Variants in NPC1 observed in about 807,000 individuals in gnomAD.
NPC1 encodes the protein Niemann-Pick C1 protein.
A neutral mutation model predicts 140.4 loss-of-function variants in NPC1; 85 were observed. The observed-to-expected ratio is 0.61, with a 90% confidence interval of 0.51 to 0.72. The LOEUF is 0.72. NPC1 is among the 30% of genes least tolerant of loss of function. NPC1 has a pLI of 0.00. For synonymous variants in NPC1, 656 were observed against 624.8 expected (o/e 1.05, Z -0.74); for missense variants, 1,504 against 1,623.8 (o/e 0.93, Z 1.27).
chr18:23,523,316 G>A (rs2058193829), intron 1 of NPC1, among the ~76,000 whole-genome samples: 1 of 152,062 alleles, frequency 6.6e-6, no homozygotes, highest in Non-Finnish European at 1.5e-5. Context: ...ATAACTGGTT[G>A]TTAACGGTCC....
At chr18:23,539,131 G>C (rs59792558) in intron 19 of NPC1, among the ~76,000 whole-genome samples, 1 of 152,146 alleles carries the variant, frequency 6.6e-6, no homozygotes, top group Non-Finnish European at 1.5e-5. Flanking sequence ...ACCACACTCC[G>C]AACATGTGGA....
At chr18:23,529,424 T>C (rs2058416221), downstream of NPC1, 1 of 1,431,106 alleles carries the variant, frequency 7.0e-7, no homozygotes, top group African/African-American at 1.4e-5. Context: ...TTTCCTTGGG[T>C]GAGGCCCTAG....
chr18:23,540,036 A>C, intron 17 of NPC1, 35 bp from the exon 18 acceptor site: 1 of 1,532,334 alleles, frequency 6.5e-7, no homozygotes, highest in Non-Finnish European at 9.0e-7. Context: ...AGAGAGTGTG[A>C]ACACTCTGAT....
At chr18:23,543,620 A>C in intron 13 of NPC1, 51 bp from the exon 14 acceptor site, 4 of 1,077,722 alleles carry the variant, frequency 3.7e-6, no homozygotes, top group Non-Finnish European at 5.6e-6. Context: ...CTCAATAACA[A>C]CGCCATTTCT....
Position 23,556,282 on chromosome 18 carries a change from T to G in NPC1, c.1287A>C (p.Val429=), listed in dbSNP as rs2058948954. The G allele has an allele frequency of 1.9e-6, 3 of 1,614,032 alleles. No homozygotes were observed. Among genetic ancestry groups the G allele is most frequent in the Non-Finnish European group, 2.5e-6 (3 of 1,180,008 alleles). ...GTATGTCAAGCGGAGGTCCAAAGGG[T>G]ACATCAGCTCCCGAAGGGTATGGCT... ...IYQPYPSGAD[V]PFGPPLDIQI... is the part of the protein sequence containing the mutation. Residue 429 remains valine (V), a synonymous_variant, in exon 8 of 25, where the codon GTA becomes GTC. Transcript: ENST00000269228.
intron 3 of NPC1, among the ~76,000 whole-genome samples, chr18:23,510,848 G>A (rs545093398): frequency 2.0e-5 from 3 of 152,356 alleles, no homozygotes; most frequent in African/African-American, 7.2e-5. Context: ...AGGTTGTGGA[G>A]AAAAGGGAAC....
At chr18:23,552,022 G>A (rs906242037) in intron 9 of NPC1, among the ~76,000 whole-genome samples, 3 of 152,204 alleles carry the variant, frequency 2.0e-5, no homozygotes, top group African/African-American at 7.2e-5. Context: ...AAGAGGAAGA[G>A]ACTGTACAGA....
intron 14 of NPC1, 90 bp downstream of exon 14, chr18:23,543,365 G>C: frequency 1.0e-5 from 7 of 675,984 alleles, no homozygotes; most frequent in Non-Finnish European, 1.3e-5. Flanking sequence ...AAAAAAGGAA[G>C]CAACACAAAG....
In NPC1 at chr18:23,544,964, A is replaced by G. The variant is rs762029075; in HGVS notation, c.1943T>C (p.Leu648Pro). The G allele has an allele frequency of 1.4e-6, 2 of 1,449,748 alleles. No homozygotes were observed. Among genetic ancestry groups the G allele is most frequent in the Non-Finnish European group, 9.5e-7 (1 of 1,052,848 alleles). 89.8% of individuals were successfully genotyped at this position (1,449,748 alleles called of 1,614,324 possible). ...ALGHMKSCRR[L>P]LVDSKVSLGI... ...CACCACCCCCCCCCGGCTTACCAGA[A>G]GCCTGCGACAGCTTTTCATGTGCCC... Residue 648 changes from leucine (L) to proline (P), a missense_variant, in exon 12 of 25, where the codon CTT becomes CCT. Transcript: ENST00000269228.
intron 1 of NPC1, among the ~76,000 whole-genome samples, chr18:23,584,310 A>T (rs1489679061): frequency 6.6e-6 from 1 of 151,592 alleles, no homozygotes; most frequent in African/African-American, 2.4e-5. Flanking sequence ...AAGCAGACAC[A>T]CTCTCTCTCC....
intron 1 of NPC1, chr18:23,576,421 CAA>C (rs1043687261): frequency 3.2e-6 from 3 of 947,164 alleles, no homozygotes; most frequent in Non-Finnish European, 3.8e-6. Context: ...AAACTGGTCT[CAA>C]AAAAAAAGTC....
rs1332375075 is a variant in NPC1, at chr18:23,534,168, T to G, written c.3591+278A>C. The G allele has an allele frequency of 1.8e-5, 10 of 551,020 alleles. No homozygotes were observed. In the East Asian group the frequency reaches 3.2e-4, roughly 18 times the overall value. The allele number at this position is 551,020 out of a possible 1,614,324, so 34.1% of individuals were successfully genotyped here. A position where few individuals can be genotyped will look rare whatever the true frequency, so the allele number is the denominator to read the frequency against. On this transcript the variant is annotated intron_variant, in intron 23 of 24. Coordinates refer to ENST00000269228, the MANE Select transcript of NPC1 (RefSeq NM_000271.5). ...CGCTGGGTTCTGGCCCGGGCTCCCCTGCATTTTAAATGGGAAAGACTGCCA... is the reference window on the plus strand; with the variant it reads ...CGCTGGGTTCTGGCCCGGGCTCCCCGGCATTTTAAATGGGAAAGACTGCCA...
intron 4 of NPC1, among the ~76,000 whole-genome samples, chr18:23,562,008 G>A (rs918776742): frequency 2.6e-5 from 4 of 152,152 alleles, no homozygotes; most frequent in African/African-American, 9.7e-5. Context: ...TAATACTGTT[G>A]GCCGGGCACG....
intron 5 of NPC1, among the ~76,000 whole-genome samples, chr18:23,560,842 A>G (rs923147581): frequency 1.3e-5 from 2 of 152,198 alleles, no homozygotes; most frequent in East Asian, 3.8e-4. Flanking sequence ...CAATTATGAC[A>G]GCAATGCCTG....
intron 12 of NPC1, among the ~76,000 whole-genome samples, 155 bp from the exon 13 acceptor site, chr18:23,544,681 G>C (rs1387711130): frequency 6.6e-6 from 1 of 152,134 alleles, no homozygotes; most frequent in African/African-American, 2.4e-5. Flanking sequence ...AACATTTCTA[G>C]GTCTGCTCGG....
Position 23,560,377 on chromosome 18 carries a change from A to C in NPC1, c.735T>G (p.Ile245Met). 6.2e-7 allele frequency: 1 copy of C among 1,614,244 alleles called. No homozygotes were observed. Among genetic ancestry groups the C allele is most frequent in the East Asian group, 2.2e-5 (1 of 44,888 alleles). The change falls in exon 6 of 25, where the codon ATT (isoleucine) becomes ATG (methionine). Residue 245 changes from isoleucine (I) to methionine (M), a missense_variant. Physicochemically the swap from Ile to Met is conservative, Grantham distance 10. Coordinates refer to ENST00000269228, the MANE Select transcript of NPC1 (RefSeq NM_000271.5). The stretch of plus-strand genomic sequence containing the variant: ...GGGGCTGGGGCTTGGGGCCACAGAC[A>C]ATAGAGCAGTCTTGGCAGCTACATG... ...TAPCSCQDCS[I>M]VCGPKPQPPP... is the part of the protein sequence containing the mutation.
In NPC1 at chr18:23,559,959, C is replaced by CAA. The variant is rs112490232; in HGVS notation, c.881+270_881+271dup. Among the ~76,000 whole-genome samples, 3,526 of 137,578 alleles carry CAA rather than the reference C, an allele frequency of 0.026. 130 individuals are homozygous for CAA. Among genetic ancestry groups the CAA allele is most frequent in the African/African-American group, 0.089 (3,359 of 37,818 alleles). The allele number at this position is 137,578 out of a possible 152,430, so 90.3% of individuals were successfully genotyped here. On this transcript the variant is annotated intron_variant, in intron 6 of 24. Transcript: ENST00000269228. Reference sequence around the variant, plus strand: ...GGCGACAAGAGTGAGACTCAGTCTCCAAAAAAAAAAAGAATCAGTGGCTAA... The same window carrying CAA: ...GGCGACAAGAGTGAGACTCAGTCTCCAAAAAAAAAAAAAGAATCAGTGGCTAA...
intron 9 of NPC1, among the ~76,000 whole-genome samples, chr18:23,554,152 G>A (rs2058914913): frequency 6.6e-6 from 1 of 152,144 alleles, no homozygotes; most frequent in Non-Finnish European, 1.5e-5. Context: ...TCATCCCTGT[G>A]ATGTGCCCAG....
In NPC1 at chr18:23,522,558, C is replaced by T. The variant is rs117376822; in HGVS notation, c.*332G>A. 7.6e-3 allele frequency: 1,156 copies of T among 152,466 alleles called. 34 individuals carry two copies. Among genetic ancestry groups the T allele is most frequent in the East Asian group, 0.067 (350 of 5,186 alleles). The allele number at this position is 152,466 out of a possible 1,614,324, so 9.4% of individuals were successfully genotyped here. On this transcript the variant is annotated 3_prime_UTR_variant, in exon 2 of 2. Transcript: ENST00000590723. The stretch of plus-strand genomic sequence containing the variant: ...TGGCCCAAGACCATTCTTCTTCTTC[C>T]TCTTAAGGCCCAGGGAAGCCAAAAC...
Sources: gnomAD v4.1 joint callset for allele counts (sites outside exome capture counted in the v4.1 genomes callset) on GRCh38, gnomAD v4.1.1 for gene constraint, MANE v1.5 for transcripts, NCBI Gene and HGNC (gene_info 2026-07-23, HGNC 2026-07-21) for gene names.